Variants in GRIA4 observed in about 807,000 individuals in gnomAD.
The protein encoded by GRIA4 is glutamate ionotropic receptor AMPA type subunit 4, also known as glutamate receptor 4.
A neutral mutation model predicts 104.0 loss-of-function variants in GRIA4; 34 were observed. The ratio of observed to expected loss-of-function variants is 0.33; its 90% CI spans 0.25 to 0.44. GRIA4 has a LOEUF of 0.44. Ranked by LOEUF, GRIA4 falls within the 20% of genes least tolerant of loss-of-function variation. The pLI, the probability that GRIA4 is intolerant of heterozygous loss-of-function variation, is 1.00. For missense variants in GRIA4, 750 were observed against 1,096.5 expected, an observed-to-expected ratio of 0.68 and a Z score of 4.46; for synonymous variants, 386 against 381.9, an observed-to-expected ratio of 1.01 and a Z score of -0.13.
At chr11:105,615,959 A>G (rs1591442222) in intron 3 of GRIA4, among the ~76,000 whole-genome samples, 1 of 151,906 alleles carries the variant, frequency 6.6e-6, no homozygotes, top group Admixed American at 6.6e-5. Context: ...GAAATCCTGT[A>G]AAAGAATCAG....
At chr11:105,737,488 G>GA (rs926873085) in intron 3 of GRIA4, among the ~76,000 whole-genome samples, 5 of 146,954 alleles carry the variant, frequency 3.4e-5, no homozygotes, top group African/African-American at 5.0e-5. Flanking sequence ...AAAAATAAAA[G>GA]AAAAAAAAAA....
intron 14 of GRIA4, among the ~76,000 whole-genome samples, chr11:105,965,499 A>G (rs1858311603): frequency 6.6e-6 from 1 of 151,872 alleles, no homozygotes; most frequent in South Asian, 2.1e-4. Context: ...TTTTCAGGGA[A>G]TCAGTAAAGA....
chr11:105,963,960 T>C (rs1362481355), intron 14 of GRIA4, among the ~76,000 whole-genome samples: 2 of 152,152 alleles, frequency 1.3e-5, no homozygotes, highest in African/African-American at 4.8e-5. Flanking sequence ...TTCATATGAA[T>C]GTTTAAGGCT....
intron 4 of GRIA4, among the ~76,000 whole-genome samples, chr11:105,803,878 A>G (rs1310440142): frequency 1.3e-5 from 2 of 150,088 alleles, no homozygotes; most frequent in African/African-American, 4.9e-5. Context: ...AGAGAGAGAG[A>G]GAAGAGCCAT....
chr11:105,702,073 T>C (rs1953516153), intron 3 of GRIA4, among the ~76,000 whole-genome samples: 1 of 152,070 alleles, frequency 6.6e-6, no homozygotes, highest in Non-Finnish European at 1.5e-5. Flanking sequence ...TAGCTGTGAA[T>C]ACAGGTGCTG....
Position 105,610,905 on chromosome 11 carries a change from TAG to T in GRIA4, c.-90-2_-90-1del. 2.0e-6 allele frequency: 1 copy of T among 502,894 alleles called. No individual in the cohort carries two copies. The highest frequency in any genetic ancestry group is 3.5e-6 in the Non-Finnish European group (1 of 286,422). The allele number at this position is 502,894 out of a possible 1,614,324, so 31.2% of individuals were successfully genotyped here. A position where few individuals can be genotyped will look rare whatever the true frequency, so the allele number is the denominator to read the frequency against. ...TTTTTTTTTTGGTTGATTTTAATTT[TAG>T]CGCCATCGTCTTCAATGCTTCTCTG... On this transcript the variant is annotated splice_acceptor_variant, in intron 1 of 16. Transcript: ENST00000282499. LOFTEE classifies it low-confidence loss of function (5UTR_SPLICE).
chr11:105,839,995 C>T (rs961498918), intron 4 of GRIA4, among the ~76,000 whole-genome samples: 1 of 152,046 alleles, frequency 6.6e-6, no homozygotes, highest in Non-Finnish European at 1.5e-5. Flanking sequence ...TCTGCAAATG[C>T]TGAACTGGCT....
chr11:105,968,904 G>A (rs962455641), intron 14 of GRIA4, among the ~76,000 whole-genome samples: 1 of 152,176 alleles, frequency 6.6e-6, no homozygotes, highest in African/African-American at 2.4e-5. Flanking sequence ...TTTTATGCCA[G>A]TTATTCAATC....
rs73542806 is a variant in GRIA4, at chr11:105,880,491, A to G, written c.673-7028A>G. The stretch of plus-strand genomic sequence containing the variant: ...ATAGTTCTAGGACCCTATCCAAACC[A>G]TATCTCTTGTAGGGCACTCAGTTTG... On this transcript the variant is annotated intron_variant, in intron 5 of 16. Coordinates refer to ENST00000282499, the MANE Select transcript of GRIA4 (RefSeq NM_000829.4). Among the ~76,000 whole-genome samples, 311 of 152,320 alleles carry G rather than the reference A, an allele frequency of 2.0e-3. 2 individuals are homozygous for G. The highest frequency in any genetic ancestry group is 7.1e-3 in the African/African-American group (293 of 41,560).
At position 105,610,989 on chromosome 11, in the gene GRIA4, G is replaced by T; in HGVS notation, c.-9G>T. The T allele has an allele frequency of 6.3e-7, 1 of 1,599,652 alleles. No homozygotes were observed. Among genetic ancestry groups the T allele is most frequent in the South Asian group, 1.1e-5 (1 of 90,736 alleles). ...GAGAGAGCGCGCGCCAGGGAGAGGA[G>T]AAAAGAAGATGAGGATTATTTCCAG... is the stretch of plus-strand genomic sequence containing the variant. On this transcript the variant is annotated 5_prime_UTR_variant, in exon 2 of 17. Coordinates refer to ENST00000282499, the MANE Select transcript of GRIA4 (RefSeq NM_000829.4).
intron 10 of GRIA4, among the ~76,000 whole-genome samples, chr11:105,911,406 G>C (rs1947230925): frequency 6.6e-6 from 1 of 151,840 alleles, no homozygotes; most frequent in Non-Finnish European, 1.5e-5. Flanking sequence ...CTCATTTAAA[G>C]TTATATATAC....
intron 3 of GRIA4, among the ~76,000 whole-genome samples, chr11:105,727,950 A>G (rs958067031): frequency 3.3e-5 from 5 of 152,224 alleles, no homozygotes; most frequent in African/African-American, 1.2e-4. Context: ...AGTCGACACT[A>G]TGAAGGAACA....
At chr11:105,901,319 C>G (rs1016087668) in intron 7 of GRIA4, among the ~76,000 whole-genome samples, 1 of 152,238 alleles carries the variant, frequency 6.6e-6, no homozygotes, top group Non-Finnish European at 1.5e-5. Flanking sequence ...TAAAATTCAT[C>G]CCAGTTCTTT....
intron 3 of GRIA4, among the ~76,000 whole-genome samples, chr11:105,671,311 C>G (rs1371332490): frequency 6.6e-6 from 1 of 151,994 alleles, no homozygotes; most frequent in Non-Finnish European, 1.5e-5. Context: ...GTTCAAAGCA[C>G]TGTATAGAAG....
At chr11:105,897,040 A>G (rs540559832) in intron 6 of GRIA4, among the ~76,000 whole-genome samples, 2 of 152,274 alleles carry the variant, frequency 1.3e-5, no homozygotes, top group East Asian at 3.9e-4. Context: ...CCTATCCATG[A>G]GCATGGGATG....
At chr11:105,615,346 TTAA>T (rs1235327567) in intron 3 of GRIA4, among the ~76,000 whole-genome samples, 1 of 151,918 alleles carries the variant, frequency 6.6e-6, no homozygotes, top group African/African-American at 2.4e-5. Flanking sequence ...CCTGATTAAC[TTAA>T]ACTTATAATT....
chr11:105,741,186 A>G (rs1591176157), intron 3 of GRIA4, among the ~76,000 whole-genome samples: 1 of 152,216 alleles, frequency 6.6e-6, no homozygotes, highest in African/African-American at 2.4e-5. Context: ...ATAAGAATCA[A>G]GAATATTTTC....
chr11:105,829,048 T>TC lies in GRIA4; in HGVS notation c.488-32976_488-32975insC, dbSNP rs747212762. 4.0e-5 allele frequency among the ~76,000 whole-genome samples: 6 copies of TC among 151,556 alleles called. No individual in the cohort carries two copies. In the East Asian group the frequency reaches 1.2e-3, roughly 29 times the overall value. On this transcript the variant is annotated intron_variant, in intron 4 of 16. Transcript: ENST00000282499. ...CAAAGGGGTTGTTTATAGAATCATC[T>TC]AACAATAACAGCTGCTATTTATTGT...
chr11:105,949,764 A>C (rs1948415952), intron 14 of GRIA4, among the ~76,000 whole-genome samples: 1 of 152,212 alleles, frequency 6.6e-6, no homozygotes, highest in Non-Finnish European at 1.5e-5. Flanking sequence ...ATGTTCTAAT[A>C]TGAGTTTGGA....
Sources: gnomAD v4.1 joint callset for allele counts (sites outside exome capture counted in the v4.1 genomes callset) on GRCh38, gnomAD v4.1.1 for gene constraint, MANE v1.5 for transcripts, NCBI Gene and HGNC (gene_info 2026-07-23, HGNC 2026-07-21) for gene names.